The following CSMD1 variants were observed in gnomAD, a reference collection of about 807,000 sequenced individuals.
CSMD1 encodes CUB and Sushi multiple domains 1, also known as CUB and sushi domain-containing protein 1.
CSMD1 carries 213 observed loss-of-function variants against 417.5 expected under a neutral mutation model. The ratio of observed to expected loss-of-function variants is 0.51; its 90% confidence interval spans 0.46 to 0.57. CSMD1 has a LOEUF of 0.57. CSMD1 is among the 20% of genes least tolerant of loss of function. The pLI is 0.00. For synonymous variants in CSMD1, 2,862 were observed against 1,736.8 expected (o/e 1.65, Z -16.11); for missense variants, 6,923 against 4,529.7 (o/e 1.53, Z -15.17).
At chr8:4,585,559 G>C (rs952774189) in intron 2 of CSMD1, among the ~76,000 whole-genome samples, 1 of 152,108 alleles carries the variant, frequency 6.6e-6, no homozygotes, top group Non-Finnish European at 1.5e-5. Context: ...ACTTTGAGCA[G>C]AAGTGAAAAG....
intron 1 of CSMD1, among the ~76,000 whole-genome samples, chr8:4,917,651 G>GAAATA (rs56257972): frequency 0.57 from 86,631 of 151,038 alleles, 25,240 homozygotes; most frequent in East Asian, 0.82. Context: ...ATAAATAAAT[G>GAAATA]AAATAAAATA....
chr8:3,735,962 G>C (rs1358219766), intron 6 of CSMD1, among the ~76,000 whole-genome samples: 2 of 151,894 alleles, frequency 1.3e-5, no homozygotes, highest in Non-Finnish European at 1.5e-5. Context: ...ACAGTAGACA[G>C]GTAAATGGGT....
intron 7 of CSMD1, among the ~76,000 whole-genome samples, chr8:3,649,073 T>G (rs916112513): frequency 3.9e-5 from 6 of 152,192 alleles, no homozygotes; most frequent in African/African-American, 1.2e-4. Context: ...CAGGGTTTTT[T>G]CTGGTCTTTC....
intron 10 of CSMD1, among the ~76,000 whole-genome samples, chr8:3,532,814 A>G (rs1798037329): frequency 6.6e-6 from 1 of 152,216 alleles, no homozygotes; most frequent in Non-Finnish European, 1.5e-5. Flanking sequence ...TATCTGATTC[A>G]CATTTGAAGT....
chr8:4,595,581 T>A (rs1349197126), intron 2 of CSMD1, among the ~76,000 whole-genome samples: 4 of 152,108 alleles, frequency 2.6e-5, no homozygotes, highest in African/African-American at 9.7e-5. Context: ...TGTTGCTTCC[T>A]AAACAATGTC....
intron 5 of CSMD1, among the ~76,000 whole-genome samples, chr8:3,804,613 TA>T (rs1252026165): frequency 2.3e-4 from 35 of 152,056 alleles, no homozygotes; most frequent in African/African-American, 6.3e-4. Flanking sequence ...CTTTTTCATT[TA>T]AAAAATCACT....
At chr8:4,316,489 T>C (rs1451915921) in intron 3 of CSMD1, among the ~76,000 whole-genome samples, 1 of 152,160 alleles carries the variant, frequency 6.6e-6, no homozygotes, top group Non-Finnish European at 1.5e-5. Flanking sequence ...CAACGATTTT[T>C]GCACCAACCT....
chr8:3,391,704 T>C (rs1225584246), intron 17 of CSMD1, among the ~76,000 whole-genome samples: 1 of 152,202 alleles, frequency 6.6e-6, no homozygotes, highest in African/African-American at 2.4e-5. Flanking sequence ...GAATGCTGTT[T>C]ACAGTAGCTC....
intron 1 of CSMD1, among the ~76,000 whole-genome samples, chr8:4,882,344 G>A (rs939686609): frequency 2.0e-5 from 3 of 151,660 alleles, no homozygotes; most frequent in Non-Finnish European, 4.4e-5. Flanking sequence ...TCGCCTGCTT[G>A]GTTTGCTTGG....
In CSMD1 at chr8:2,987,706, C is replaced by T. The variant is rs545721772; in HGVS notation, c.8378-8906G>A. 1.4e-4 allele frequency among the ~76,000 whole-genome samples: 22 copies of T among 152,288 alleles called. No homozygotes were observed. In the South Asian group the frequency reaches 3.7e-3, roughly 26 times the overall value. On this transcript the variant is annotated intron_variant, in intron 54 of 69. Transcript: ENST00000635120. ...GCCTTCCCTAAGCACAAGAGTGATG[C>T]GGGTTCATCACCGTTTCCCTCTGTG...
intron 54 of CSMD1, among the ~76,000 whole-genome samples, chr8:2,995,788 G>A (rs1195588619): frequency 6.6e-6 from 1 of 152,138 alleles, no homozygotes; most frequent in Non-Finnish European, 1.5e-5. Flanking sequence ...AATAAAAAAG[G>A]CCCATCTCAG....
chr8:4,257,671 G>T (rs989844882), intron 3 of CSMD1, among the ~76,000 whole-genome samples: 1 of 152,158 alleles, frequency 6.6e-6, no homozygotes, highest in South Asian at 2.1e-4. Flanking sequence ...AGGTCTCAGG[G>T]TGCAGCAGTC....
intron 3 of CSMD1, among the ~76,000 whole-genome samples, chr8:4,186,179 T>C (rs1490801379): frequency 6.6e-6 from 1 of 152,144 alleles, no homozygotes; most frequent in Non-Finnish European, 1.5e-5. Flanking sequence ...CAAGGTGCCC[T>C]GAATGTTCCA....
At chr8:3,514,438 C>A (rs1296038590) in intron 10 of CSMD1, among the ~76,000 whole-genome samples, 1 of 152,094 alleles carries the variant, frequency 6.6e-6, no homozygotes, top group Non-Finnish European at 1.5e-5. Context: ...TGGTGTTATC[C>A]CCATCTGCTC....
chr8:3,650,765 G>A (rs529346659), intron 7 of CSMD1, among the ~76,000 whole-genome samples: 2 of 152,132 alleles, frequency 1.3e-5, no homozygotes, highest in African/African-American at 4.8e-5. Context: ...GCAAAAATGT[G>A]ATTTTTTTCT....
At chr8:4,023,625 C>T (rs927491465) in intron 4 of CSMD1, among the ~76,000 whole-genome samples, 4 of 147,496 alleles carry the variant, frequency 2.7e-5, no homozygotes, top group Admixed American at 1.4e-4. Context: ...CTCGCTCTGT[C>T]GCCCAGGCTA....
chr8:3,089,988 T>A (rs1051931340), intron 48 of CSMD1, among the ~76,000 whole-genome samples: 1 of 152,180 alleles, frequency 6.6e-6, no homozygotes, highest in Non-Finnish European at 1.5e-5. Context: ...CTGACCATGT[T>A]TCCACATTGG....
chr8:3,943,674 T>C (rs1468491909), intron 5 of CSMD1, among the ~76,000 whole-genome samples: 1 of 152,122 alleles, frequency 6.6e-6, no homozygotes, highest in African/African-American at 2.4e-5. Context: ...AGGGGTCCCC[T>C]GCTATAATGA....
intron 4 of CSMD1, among the ~76,000 whole-genome samples, chr8:4,004,299 T>G (rs578009883): frequency 2.6e-5 from 4 of 152,088 alleles, no homozygotes; most frequent in Non-Finnish European, 5.9e-5. Context: ...AACTTGGGAA[T>G]TCTTAATCAT....
Sources: allele counts gnomAD v4.1 joint callset (sites outside exome capture counted in the v4.1 genomes callset), GRCh38; gene constraint gnomAD v4.1.1; transcripts MANE v1.5; gene names NCBI Gene and HGNC (gene_info 2026-07-23, HGNC 2026-07-21).